CLDN16: variants seen among roughly 807,000 people sequenced by gnomAD.
CLDN16 encodes claudin-16.
Under a neutral mutation model 24.6 loss-of-function variants are expected in CLDN16, and 13 were observed. That is an observed-to-expected ratio of 0.53 (90% CI 0.34 to 0.84). CLDN16 has a LOEUF of 0.84. Among genes scored for constraint, CLDN16 ranks in the 40% least tolerant of loss-of-function variants. CLDN16 has a pLI of 0.01. For synonymous variants in CLDN16, 116 were observed against 106.7 expected (o/e 1.09, Z -0.54); for missense variants, 298 against 292.7 (o/e 1.02, Z -0.13).
At chr3:190,307,099 A>G in the CLDN16 span, 1 of 152,660 alleles carries the variant, frequency 6.6e-6, no homozygotes, top group Non-Finnish European at 1.5e-5. Flanking sequence ...TATTCACACT[A>G]CCTCTTCTAA....
At chr3:190,342,868 CAT>C (rs909268447) in intron 1 of CLDN16, among the ~76,000 whole-genome samples, 2 of 152,060 alleles carry the variant, frequency 1.3e-5, no homozygotes, top group African/African-American at 4.8e-5. Flanking sequence ...TGGAAAAAAA[CAT>C]AGGGGAAAAA....
In CLDN16 at chr3:190,402,422, T is replaced by C; in HGVS notation, c.200T>C (p.Ile67Thr). ...GIRTCDEYDS[I>T]LAEHPLKLVV... ...CGCACCTGTGATGAGTACGATTCCA[T>C]ACTTGCGGAGCATCCCTGTACGTAT... Residue 67 changes from isoleucine to threonine, a missense_variant, in exon 2 of 5, where the codon ATA becomes ACA. Ile to Thr is a moderately conservative substitution (Grantham distance 89, BLOSUM62 -1). Transcript: ENST00000264734. The C allele has an allele frequency of 6.2e-7, 1 of 1,613,534 alleles. No homozygotes were observed. Among genetic ancestry groups the C allele is most frequent in the Non-Finnish European group, 8.5e-7 (1 of 1,179,542 alleles).
the CLDN16 span, among the ~76,000 whole-genome samples, chr3:190,302,482 T>G: frequency 6.6e-6 from 1 of 152,114 alleles, no homozygotes; most frequent in Non-Finnish European, 1.5e-5. Flanking sequence ...CTTAAAAATA[T>G]TATGTGAGGC....
chr3:190,404,866 G>C lies in CLDN16; in HGVS notation c.322G>C (p.Asp108His). 1 of 1,614,096 alleles carries C rather than the reference G, an allele frequency of 6.2e-7. No individual in the cohort carries two copies. Among genetic ancestry groups the C allele is most frequent in the Admixed American group, 1.7e-5 (1 of 60,004 alleles). Residue 108 changes from aspartate to histidine, a missense_variant, in exon 3 of 5, where the codon GAT (aspartate) becomes CAT (histidine). Asp to His is a moderately conservative substitution (Grantham distance 81). Transcript: ENST00000264734. ...LGLDCVKFLP[D>H]EPYIKVRICF... is the part of the protein sequence containing the mutation. ...TCTTGACTGCGTGAAATTCCTCCCT[G>C]ATGAGCCGTACATTAAAGTCCGCAT... is the stretch of plus-strand genomic sequence containing the variant.
At chr3:190,312,397 G>T in the CLDN16 span, among the ~76,000 whole-genome samples, 1 of 151,878 alleles carries the variant, frequency 6.6e-6, no homozygotes, top group African/African-American at 2.4e-5. Flanking sequence ...GGCACATCCT[G>T]TTTATTCTCG....
chr3:190,407,035 C>T (rs926362998), intron 3 of CLDN16, among the ~76,000 whole-genome samples: 4 of 152,006 alleles, frequency 2.6e-5, no homozygotes, highest in East Asian at 1.9e-4. Flanking sequence ...CCAATGTGCC[C>T]GGCCTATCTG....
chr3:190,331,991 CT>C (rs5855322), intron 1 of CLDN16, among the ~76,000 whole-genome samples: 75,093 of 151,934 alleles, frequency 0.49, 18,809 homozygotes, highest in East Asian at 0.7. Flanking sequence ...AGCCATTTCT[CT>C]GGTTCACTCT....
chr3:190,348,334 AAT>A (rs1491197937), intron 1 of CLDN16, among the ~76,000 whole-genome samples: 1 of 79,792 alleles, frequency 1.3e-5, no homozygotes, highest in Non-Finnish European at 2.3e-5. Flanking sequence ...GCAAGACTGC[AAT>A]GTGTGTGTGT....
intron 1 of CLDN16, among the ~76,000 whole-genome samples, chr3:190,396,868 G>A (rs1718833489): frequency 6.6e-6 from 1 of 151,768 alleles, no homozygotes; most frequent in Non-Finnish European, 1.5e-5. Context: ...TTGAGAGCAA[G>A]GAGTTATTCT....
At chr3:190,312,725 G>T in the CLDN16 span, 1 of 851,476 alleles carries the variant, frequency 1.2e-6, no homozygotes. Context: ...GTTTGTGTTT[G>T]AGAACATGAA....
At chr3:190,304,592 C>G in the CLDN16 span, among the ~76,000 whole-genome samples, 1 of 152,104 alleles carries the variant, frequency 6.6e-6, no homozygotes, top group Admixed American at 6.6e-5. Flanking sequence ...ACTCAACAAG[C>G]CATCCCCACA....
chr3:190,296,020 A>G, the CLDN16 span, among the ~76,000 whole-genome samples: 1 of 152,088 alleles, frequency 6.6e-6, no homozygotes, highest in Non-Finnish European at 1.5e-5. Flanking sequence ...CCTGATAATT[A>G]TAATAAAAGC....
chr3:190,410,374 G>A lies in CLDN16; in HGVS notation c.*338G>A, dbSNP rs1719246309. On this transcript the variant is annotated 3_prime_UTR_variant, in exon 5 of 5. Coordinates refer to ENST00000264734, the MANE Select transcript of CLDN16 (RefSeq NM_006580.4). ...AAATGAAATGATACTTAAACAGAAA[G>A]CAATTTCCAAAGAGGCCAGGGACCC... 5.1e-6 allele frequency: 1 copy of A among 195,844 alleles called. No individual in the cohort carries two copies. Among genetic ancestry groups the A allele is most frequent in the Non-Finnish European group, 1.0e-5 (1 of 95,460 alleles). The allele number at this position is 195,844 out of a possible 1,614,324, so 12.1% of individuals were successfully genotyped here. A position where few individuals can be genotyped will look rare whatever the true frequency, so the allele number is the denominator to read the frequency against.
Position 190,406,803 on chromosome 3 carries a change from G to A in CLDN16, c.383-1511G>A, listed in dbSNP as rs552701347. 1.9e-4 allele frequency among the ~76,000 whole-genome samples: 28 copies of A among 145,066 alleles called. No homozygotes were observed. The Middle Eastern group carries it at 0.011, about 58-fold the overall frequency. ...GTCGCCCAGGCTGGAGTGCAGTGGCGTGATCTCGGCTCACTGCAAGCTCCA... is the reference window on the plus strand; with the variant it reads ...GTCGCCCAGGCTGGAGTGCAGTGGCATGATCTCGGCTCACTGCAAGCTCCA... On this transcript the variant is annotated intron_variant, in intron 3 of 4. Coordinates refer to ENST00000264734, the MANE Select transcript of CLDN16 (RefSeq NM_006580.4).
At chr3:190,318,454 C>A (rs148361275), upstream of CLDN16, among the ~76,000 whole-genome samples, 8 of 152,280 alleles carry the variant, frequency 5.3e-5, no homozygotes, top group South Asian at 2.1e-4. Flanking sequence ...TCCTTAGCAG[C>A]AAGAATAGGG....
chr3:190,366,562 C>A (rs756428981), intron 1 of CLDN16, among the ~76,000 whole-genome samples: 5 of 151,990 alleles, frequency 3.3e-5, no homozygotes, highest in Non-Finnish European at 7.4e-5. Flanking sequence ...CATCCAAACA[C>A]ACCTGTAAAA....
chr3:190,392,983 T>G (rs1159838387), intron 1 of CLDN16, among the ~76,000 whole-genome samples: 2 of 152,110 alleles, frequency 1.3e-5, no homozygotes, highest in African/African-American at 4.8e-5. Flanking sequence ...GGAGAACAAC[T>G]AGGAGACTTT....
chr3:190,369,869 G>A (rs553338381), intron 1 of CLDN16, among the ~76,000 whole-genome samples: 35 of 152,020 alleles, frequency 2.3e-4, no homozygotes, highest in African/African-American at 8.4e-4. Context: ...GTTGCAGGGA[G>A]GAACTAAATA....
chr3:190,388,868 T>C (rs3774015), intron 1 of CLDN16, among the ~76,000 whole-genome samples: 30,584 of 152,080 alleles, frequency 0.2, 3,554 homozygotes, highest in East Asian at 0.45. Context: ...TTAAGGAGTG[T>C]TAATAATCTA....
Sources: allele counts gnomAD v4.1 joint callset (sites outside exome capture counted in the v4.1 genomes callset), GRCh38; gene constraint gnomAD v4.1.1; transcripts MANE v1.5; gene names NCBI Gene and HGNC (gene_info 2026-07-23, HGNC 2026-07-21).